CYP27A1: variants seen among roughly 807,000 people sequenced by gnomAD.
The protein encoded by CYP27A1 is cytochrome P450 family 27 subfamily A member 1, also known as sterol 26-hydroxylase, mitochondrial.
Under a neutral mutation model 58.2 loss-of-function variants are expected in CYP27A1, and 46 were observed. The observed-to-expected ratio is 0.79, with a 90% CI of 0.62 to 1.01. The LOEUF (loss-of-function observed/expected upper bound fraction) is 1.01. CYP27A1 is among the 50% of genes least tolerant of loss of function. The pLI, the probability that CYP27A1 is intolerant of heterozygous loss-of-function variation, is 0.00. For missense variants in CYP27A1, 704 were observed against 687.0 expected, an observed-to-expected ratio of 1.02 and a Z score of -0.28; for synonymous variants, 274 against 285.1, an observed-to-expected ratio of 0.96 and a Z score of 0.39.
intron 1 of CYP27A1, among the ~76,000 whole-genome samples, chr2:218,791,587 T>C (rs1943493673): frequency 6.6e-6 from 1 of 152,194 alleles, no homozygotes; most frequent in Admixed American, 6.5e-5. Context: ...GGGGAGAAAC[T>C]TCCCTGGTTA....
intron 1 of CYP27A1, among the ~76,000 whole-genome samples, chr2:218,806,503 C>T (rs1943653487): frequency 6.6e-6 from 1 of 152,226 alleles, no homozygotes; most frequent in Admixed American, 6.5e-5. Flanking sequence ...ATAGAATTAT[C>T]CACTCCGAGT....
At chr2:218,788,145 G>T (rs1219048724) in intron 1 of CYP27A1, among the ~76,000 whole-genome samples, 1 of 152,234 alleles carries the variant, frequency 6.6e-6, no homozygotes, top group East Asian at 1.9e-4. Flanking sequence ...GCTTTTAGCT[G>T]CCATGTCACA....
At chr2:218,806,368 G>T (rs1369571256) in intron 1 of CYP27A1, among the ~76,000 whole-genome samples, 1 of 152,202 alleles carries the variant, frequency 6.6e-6, no homozygotes, top group Admixed American at 6.5e-5. Context: ...CATCCCCCAG[G>T]GGACATTTTG....
Position 218,814,698 on chromosome 2 carries a change from G to T in CYP27A1, c.1417G>T (p.Val473Phe). The T allele has an allele frequency of 1.2e-6, 2 of 1,614,204 alleles. No individual in the cohort carries two copies. The highest frequency in any genetic ancestry group is 1.3e-5 in the African/African-American group (1 of 75,054). ...TGGCTCTGTGCCCTTTGGCTATGGG[G>T]TCCGGGCCTGCCTGGGCCGCAGGAT... ...PFGSVPFGYG[V>F]RACLGRRIAE... The change falls in exon 8 of 9, where the codon GTC becomes TTC. Residue 473 changes from valine (V) to phenylalanine (F), a missense_variant. Val to Phe is a conservative substitution (Grantham distance 50). Transcript: ENST00000258415.
intron 1 of CYP27A1, among the ~76,000 whole-genome samples, chr2:218,788,347 C>T (rs917141445): frequency 5.9e-5 from 9 of 152,322 alleles, no homozygotes; most frequent in South Asian, 4.1e-4. Flanking sequence ...TTCCAAGAGA[C>T]GGAAAGTAGT....
chr2:218,794,256 A>G (rs1160501022), intron 1 of CYP27A1, among the ~76,000 whole-genome samples: 1 of 152,208 alleles, frequency 6.6e-6, no homozygotes, highest in South Asian at 2.1e-4. Flanking sequence ...ACTCTAAAGA[A>G]GTACTTCTAA....
chr2:218,806,382 A>C (rs1390290536), intron 1 of CYP27A1, among the ~76,000 whole-genome samples: 1 of 152,220 alleles, frequency 6.6e-6, no homozygotes, highest in Admixed American at 6.5e-5. Context: ...CATTTTGGAA[A>C]TGTCTAGAGA....
chr2:218,810,755 A>G (rs999903412), intron 2 of CYP27A1, among the ~76,000 whole-genome samples: 30 of 152,272 alleles, frequency 2.0e-4, no homozygotes, highest in African/African-American at 7.0e-4. Flanking sequence ...TTTCTTTTTC[A>G]GCAACACTTT....
chr2:218,793,356 A>G (rs1361507353), intron 1 of CYP27A1, among the ~76,000 whole-genome samples: 3 of 152,176 alleles, frequency 2.0e-5, no homozygotes, highest in South Asian at 2.1e-4. Flanking sequence ...GATTAGAGGC[A>G]TGAACCATCC....
chr2:218,799,859 C>T lies in CYP27A1; in HGVS notation c.256-9718C>T, dbSNP rs552032539. On this transcript the variant is annotated intron_variant, in intron 1 of 8. Coordinates refer to ENST00000258415, the MANE Select transcript of CYP27A1 (RefSeq NM_000784.4). ...TGCCCCAATGACTTGTGCCCAGTGT[C>T]GGAAAAGGCTGAACAGGTTCGACAA... Among the ~76,000 whole-genome samples the T allele has an allele frequency of 9.9e-5, 15 of 152,034 alleles. No homozygotes were observed. The South Asian group carries it at 1.0e-3, about 11-fold the overall frequency.
At chr2:218,814,358 C>T (rs1356015480) in intron 6 of CYP27A1, 22 bp from the exon 7 acceptor site, 3 of 1,611,816 alleles carry the variant, frequency 1.9e-6, no homozygotes, top group Non-Finnish European at 2.5e-6. Flanking sequence ...AGAGCAGACT[C>T]CAGACATTCT....
intron 2 of CYP27A1, among the ~76,000 whole-genome samples, chr2:218,810,085 C>A (rs1943696879): frequency 6.6e-6 from 1 of 152,066 alleles, no homozygotes; most frequent in Non-Finnish European, 1.5e-5. Context: ...TCGAGATCAG[C>A]TTGGCCAACA....
At position 218,814,547 on chromosome 2, in the gene CYP27A1, C is replaced by A. The variant is rs2105981167; in HGVS notation, c.1266C>A (p.Thr422=). The A allele has an allele frequency of 6.2e-7, 1 of 1,614,130 alleles. No individual in the cohort carries two copies. Among genetic ancestry groups the A allele is most frequent in the Non-Finnish European group, 8.5e-7 (1 of 1,179,988 alleles). Residue 422 remains threonine (T), a splice_region_variant and synonymous_variant, in exon 8 of 9, where the codon ACC becomes ACA. Coordinates refer to ENST00000258415, the MANE Select transcript of CYP27A1 (RefSeq NM_000784.4). ...TGCTGCCCAATCTTCCTTTATAGACCCAGTTTGTGTTCTGCCACTATGTGG... is the reference window on the plus strand; with the variant it reads ...TGCTGCCCAATCTTCCTTTATAGACACAGTTTGTGTTCTGCCACTATGTGG... ...EVDGFLFPKN[T]QFVFCHYVVS...
chr2:218,798,360 A>G (rs926121794), intron 1 of CYP27A1, among the ~76,000 whole-genome samples: 9 of 152,200 alleles, frequency 5.9e-5, no homozygotes, highest in African/African-American at 1.7e-4. Flanking sequence ...CCTTGCATAT[A>G]AATCTATTTT....
rs1165867038 is a variant in CYP27A1 at position 218,802,015 on chromosome 2, C to G, written c.256-7562C>G. On this transcript the variant is annotated intron_variant, in intron 1 of 8. Transcript: ENST00000258415. ...TTTTTTAATTCCTATTTAAGGCACT[C>G]TTTAGGCCAGCAATGACCACGGATG... Among the ~76,000 whole-genome samples the G allele has an allele frequency of 2.0e-5, 3 of 147,870 alleles. No homozygotes were observed. In the East Asian group the frequency reaches 5.9e-4, roughly 29 times the overall value.
intron 1 of CYP27A1, among the ~76,000 whole-genome samples, chr2:218,787,277 A>G (rs1943449908): frequency 6.6e-6 from 1 of 152,150 alleles, no homozygotes; most frequent in African/African-American, 2.4e-5. Flanking sequence ...CTTATATGTG[A>G]CACTCTTCTT....
intron 1 of CYP27A1, among the ~76,000 whole-genome samples, chr2:218,789,310 G>A (rs1387409723): frequency 1.3e-5 from 2 of 152,138 alleles, no homozygotes; most frequent in African/African-American, 4.8e-5. Context: ...AGAACGTGTT[G>A]AAAAAGAAAA....
At chr2:218,791,750 C>A (rs1467142416) in intron 1 of CYP27A1, among the ~76,000 whole-genome samples, 1 of 152,136 alleles carries the variant, frequency 6.6e-6, no homozygotes, top group Admixed American at 6.5e-5. Flanking sequence ...CTCAGAAGAC[C>A]TACTCTTTGG....
At chr2:218,785,377 G>A (rs1270958014) in intron 1 of CYP27A1, among the ~76,000 whole-genome samples, 1 of 152,136 alleles carries the variant, frequency 6.6e-6, no homozygotes, top group Non-Finnish European at 1.5e-5. Context: ...ACAGGTCACA[G>A]ACTAGTACTG....
Sources: gnomAD v4.1 joint callset for allele counts (sites outside exome capture counted in the v4.1 genomes callset) on GRCh38, gnomAD v4.1.1 for gene constraint, MANE v1.5 for transcripts, NCBI Gene and HGNC (gene_info 2026-07-23, HGNC 2026-07-21) for gene names.